PRKG1: variants seen among roughly 807,000 people sequenced by gnomAD.
PRKG1 encodes the protein protein kinase cGMP-dependent 1.
PRKG1 carries 35 observed loss-of-function variants against 88.1 expected under a neutral mutation model. The ratio of observed to expected loss-of-function variants is 0.40; its 90% CI spans 0.30 to 0.53. The LOEUF (loss-of-function observed/expected upper bound fraction) is 0.53, where lower values mean the gene tolerates loss of function less well. PRKG1 is among the 20% of genes least tolerant of loss of function. The pLI is 0.59. For synonymous variants in PRKG1, 303 were observed against 292.5 expected (o/e 1.04, Z -0.37); for missense variants, 540 against 839.8 (o/e 0.64, Z 4.41).
chr10:51,144,004 C>A (rs892245803), intron 1 of PRKG1, among the ~76,000 whole-genome samples: 1 of 151,752 alleles, frequency 6.6e-6, no homozygotes, highest in Non-Finnish European at 1.5e-5. Flanking sequence ...TTTGTTTTTG[C>A]TGCCTGCGAT....
chr10:51,528,467 T>C (rs571751917), intron 3 of PRKG1, among the ~76,000 whole-genome samples: 11 of 150,978 alleles, frequency 7.3e-5, no homozygotes, highest in African/African-American at 1.7e-4. Flanking sequence ...GTAGGGCATA[T>C]TTTAAGACTG....
chr10:51,285,262 G>C (rs1030485284), intron 2 of PRKG1, among the ~76,000 whole-genome samples: 2 of 151,836 alleles, frequency 1.3e-5, no homozygotes, highest in African/African-American at 4.8e-5. Flanking sequence ...CTAGTTGAAG[G>C]ATGTATTCTT....
At chr10:51,975,390 G>A (rs377081203) in intron 5 of PRKG1, among the ~76,000 whole-genome samples, 68 of 152,044 alleles carry the variant, frequency 4.5e-4, no homozygotes, top group African/African-American at 1.6e-3. Context: ...AGACTCAAGC[G>A]GGGGAAATAG....
intron 2 of PRKG1, among the ~76,000 whole-genome samples, chr10:51,333,494 C>T (rs935868191): frequency 4.6e-5 from 7 of 152,142 alleles, no homozygotes; most frequent in Non-Finnish European, 8.8e-5. Flanking sequence ...GATTCAAACT[C>T]GCATAATTTC....
intron 3 of PRKG1, among the ~76,000 whole-genome samples, chr10:51,728,575 C>T (rs549288409): frequency 0.022 from 1 of 46 alleles, no homozygotes; most frequent in South Asian, 0.17. Flanking sequence ...GAGTACTTAT[C>T]TCAGAAGGGT....
At position 51,698,536 on chromosome 10, in the gene PRKG1, A is replaced by C. The variant is rs781249599; in HGVS notation, c.593-106049A>C. ...CAGTGACTGAAAGCAAAGTCCCTCCACGTGGGTCATTTGGAGCATCTCCTA... is the reference window on the plus strand; with the variant it reads ...CAGTGACTGAAAGCAAAGTCCCTCCCCGTGGGTCATTTGGAGCATCTCCTA... On this transcript the variant is annotated intron_variant, in intron 3 of 17. Coordinates refer to ENST00000373980, the MANE Select transcript of PRKG1 (RefSeq NM_006258.4). 12 of 1,613,986 alleles carry C rather than the reference A, an allele frequency of 7.4e-6. No homozygotes were observed. The South Asian group carries it at 1.3e-4, about 18-fold the overall frequency.
chr10:52,028,039 T>C (rs1589533608), intron 5 of PRKG1, among the ~76,000 whole-genome samples: 1 of 152,304 alleles, frequency 6.6e-6, no homozygotes, highest in East Asian at 1.9e-4. Flanking sequence ...TCCACCCACC[T>C]TGGCCTCTCA....
At chr10:51,419,139 A>G (rs1838333643) in intron 2 of PRKG1, among the ~76,000 whole-genome samples, 1 of 152,164 alleles carries the variant, frequency 6.6e-6, no homozygotes, top group Admixed American at 6.6e-5. Context: ...GATTTTTATG[A>G]CAGCATTCTC....
chr10:51,530,444 A>G (rs1360725348), intron 3 of PRKG1, among the ~76,000 whole-genome samples: 1 of 152,088 alleles, frequency 6.6e-6, no homozygotes, highest in East Asian at 1.9e-4. Context: ...CACTAACTTA[A>G]TTTTCCATAA....
chr10:51,979,442 G>A (rs865958909), intron 5 of PRKG1, among the ~76,000 whole-genome samples: 7 of 29,010 alleles, frequency 2.4e-4, no homozygotes, highest in African/African-American at 7.6e-4. Flanking sequence ...TTTCTGTTTT[G>A]TCTCTGCCAG....
intron 2 of PRKG1, among the ~76,000 whole-genome samples, chr10:51,457,875 G>A (rs1251434536): frequency 6.6e-6 from 1 of 152,086 alleles, no homozygotes; most frequent in Non-Finnish European, 1.5e-5. Context: ...CAATGGTGCT[G>A]GAGGACAAAG....
At chr10:52,231,140 G>C (rs1264033387) in intron 9 of PRKG1, 1 of 152,270 alleles carries the variant, frequency 6.6e-6, no homozygotes, top group Non-Finnish European at 1.5e-5. Context: ...GCTCACACTT[G>C]TAATCTCAGC....
At position 51,735,854 on chromosome 10, in the gene PRKG1, C is replaced by CATATATATATATATAT. The variant is rs146700314; in HGVS notation, c.593-68720_593-68705dup. On this transcript the variant is annotated intron_variant, in intron 3 of 17. Transcript: ENST00000373980. The stretch of plus-strand genomic sequence containing the variant: ...GGATATGGGGCAGGGGGCCTGACTG[C>CATATATATATATATAT]ATATATATATATATATATATATATA... 6.1e-5 allele frequency among the ~76,000 whole-genome samples: 7 copies of CATATATATATATATAT among 114,206 alleles called. No homozygotes were observed. The East Asian group carries it at 8.4e-4, about 14-fold the overall frequency. 74.9% of individuals were successfully genotyped at this position (114,206 alleles called of 152,430 possible).
chr10:51,983,012 T>C (rs937080892), intron 5 of PRKG1, among the ~76,000 whole-genome samples: 8 of 152,060 alleles, frequency 5.3e-5, no homozygotes, highest in Admixed American at 3.3e-4. Flanking sequence ...TGGTGGCCTC[T>C]TTGTGTGCTG....
intron 2 of PRKG1, among the ~76,000 whole-genome samples, chr10:51,355,869 T>C (rs1050057528): frequency 6.6e-5 from 10 of 152,028 alleles, no homozygotes; most frequent in African/African-American, 2.2e-4. Flanking sequence ...CACCATCGCA[T>C]TTATGTTGTG....
chr10:52,204,807 C>T (rs1401801889), intron 9 of PRKG1, among the ~76,000 whole-genome samples: 1 of 152,124 alleles, frequency 6.6e-6, no homozygotes, highest in Non-Finnish European at 1.5e-5. Flanking sequence ...AATAGGAAAT[C>T]TGGGCACCTT....
At chr10:51,557,919 TA>T (rs140006433) in intron 3 of PRKG1, among the ~76,000 whole-genome samples, 8,353 of 152,176 alleles carry the variant, frequency 0.055, 349 homozygotes, top group Middle Eastern at 0.085. Flanking sequence ...ATCTTCAATT[TA>T]AAAGTAAAAA....
intron 2 of PRKG1, among the ~76,000 whole-genome samples, chr10:51,332,406 A>T (rs211069): frequency 6.6e-6 from 1 of 151,798 alleles, no homozygotes; most frequent in Non-Finnish European, 1.5e-5. Context: ...ACTCCCCTCC[A>T]CCTAAAAAAA....
At chr10:52,115,161 T>C (rs530160377) in intron 7 of PRKG1, among the ~76,000 whole-genome samples, 1 of 152,254 alleles carries the variant, frequency 6.6e-6, no homozygotes, top group African/African-American at 2.4e-5. Context: ...CAATTCACTT[T>C]AGTCTCTAAG....
Sources: allele counts gnomAD v4.1 joint callset (sites outside exome capture counted in the v4.1 genomes callset), GRCh38; gene constraint gnomAD v4.1.1; transcripts MANE v1.5; gene names NCBI Gene and HGNC (gene_info 2026-07-23, HGNC 2026-07-21).